The following PTPRT variants were observed in gnomAD, a reference collection of about 807,000 sequenced individuals.
The protein encoded by PTPRT is protein tyrosine phosphatase receptor type T.
PTPRT carries 56 observed loss-of-function variants against 176.8 expected under a neutral mutation model. That is an observed-to-expected ratio of 0.32 (90% CI 0.26 to 0.40). The LOEUF (loss-of-function observed/expected upper bound fraction) is 0.40. Among genes scored for constraint, PTPRT ranks in the 10% least tolerant of loss-of-function variants. PTPRT has a pLI of 1.00. For missense variants in PTPRT, 1,540 were observed against 1,908.2 expected (o/e 0.81, Z 3.60); for synonymous variants, 783 against 739.0 (o/e 1.06, Z -0.96).
chr20:42,834,274 G>C (rs1048455219), intron 2 of PTPRT, among the ~76,000 whole-genome samples: 1 of 152,060 alleles, frequency 6.6e-6, no homozygotes, highest in Non-Finnish European at 1.5e-5. Context: ...TACTCATTAG[G>C]GGAATCCAAA....
At chr20:42,095,829 A>G (rs1985152393) in intron 27 of PTPRT, among the ~76,000 whole-genome samples, 1 of 152,180 alleles carries the variant, frequency 6.6e-6, no homozygotes, top group Non-Finnish European at 1.5e-5. Context: ...CAAATAGCAG[A>G]TGCCCAACAA....
intron 16 of PTPRT, among the ~76,000 whole-genome samples, chr20:42,184,247 T>G (rs1990636218): frequency 1.3e-5 from 2 of 152,196 alleles, no homozygotes; most frequent in Admixed American, 1.3e-4. Context: ...ATGGTTGTTG[T>G]TTTACACTGT....
intron 1 of PTPRT, among the ~76,000 whole-genome samples, chr20:42,985,316 G>A (rs921722874): frequency 2.6e-5 from 4 of 152,060 alleles, no homozygotes; most frequent in Non-Finnish European, 4.4e-5. Flanking sequence ...CCAACATGGT[G>A]AAACCCCGTC....
the PTPRT span, among the ~76,000 whole-genome samples, chr20:42,042,981 C>T: frequency 6.6e-6 from 1 of 152,214 alleles, no homozygotes; most frequent in African/African-American, 2.4e-5. Flanking sequence ...CAAACATCAC[C>T]GCTTTTTAGA....
chr20:42,844,652 G>C (rs150378388), intron 2 of PTPRT, among the ~76,000 whole-genome samples: 1 of 152,300 alleles, frequency 6.6e-6, no homozygotes, highest in East Asian at 1.9e-4. Context: ...AATGGGCTAA[G>C]TGGGGCTCTC....
At chr20:42,535,803 C>T (rs866987155) in intron 7 of PTPRT, among the ~76,000 whole-genome samples, 20 of 152,036 alleles carry the variant, frequency 1.3e-4, no homozygotes, top group African/African-American at 2.4e-4. Flanking sequence ...AAGTTTGAAG[C>T]GGGCTTGGTT....
At chr20:42,155,420 G>T (rs1291306696) in intron 17 of PTPRT, among the ~76,000 whole-genome samples, 1 of 152,186 alleles carries the variant, frequency 6.6e-6, no homozygotes, top group Non-Finnish European at 1.5e-5. Flanking sequence ...GACCATCAGT[G>T]GGAGGGAGGC....
chr20:42,927,332 C>T (rs749774219), intron 1 of PTPRT, among the ~76,000 whole-genome samples: 32 of 152,222 alleles, frequency 2.1e-4, no homozygotes, highest in African/African-American at 5.8e-4. Flanking sequence ...GAGGCTGAGG[C>T]GGGTGGATCA....
At position 42,320,471 on chromosome 20, in the gene PTPRT, G is replaced by C. The variant is rs563779051; in HGVS notation, c.1866-4475C>G. The stretch of plus-strand genomic sequence containing the variant: ...TTCAGAAAGTTGAAGTCAGGTGACA[G>C]ATGGAGTGTATGCTTTAGCTCACAG... On this transcript the variant is annotated intron_variant, in intron 11 of 30. Transcript: ENST00000373187. Among the ~76,000 whole-genome samples, 11 of 152,312 alleles carry C rather than the reference G, an allele frequency of 7.2e-5. No homozygotes were observed. The South Asian group carries it at 2.3e-3, about 32-fold the overall frequency.
chr20:42,320,949 A>C (rs1236006730), intron 11 of PTPRT, among the ~76,000 whole-genome samples: 1 of 152,172 alleles, frequency 6.6e-6, no homozygotes, highest in African/African-American at 2.4e-5. Flanking sequence ...ACATCAAAGC[A>C]CATGGAAGCT....
intron 1 of PTPRT, among the ~76,000 whole-genome samples, chr20:43,094,091 C>CT (rs11478226): frequency 0.016 from 2,116 of 130,686 alleles, 55 homozygotes; most frequent in African/African-American, 0.047. Flanking sequence ...TTCTTTCTTT[C>CT]TTTTTTTTTT....
intron 5 of PTPRT, among the ~76,000 whole-genome samples, chr20:42,763,198 C>T (rs1461307249): frequency 6.6e-6 from 1 of 152,180 alleles, no homozygotes; most frequent in Non-Finnish European, 1.5e-5. Flanking sequence ...AATTCCCCAT[C>T]CACTCTCCTT....
At chr20:42,298,397 A>G (rs945555490) in intron 12 of PTPRT, among the ~76,000 whole-genome samples, 3 of 152,196 alleles carry the variant, frequency 2.0e-5, no homozygotes, top group Admixed American at 6.5e-5. Context: ...GACAAATGCA[A>G]GTTGGTTTTA....
Position 42,975,669 on chromosome 20 carries a change from C to T in PTPRT, c.89-89737G>A, listed in dbSNP as rs561577101. On this transcript the variant is annotated intron_variant, in intron 1 of 30. Transcript: ENST00000373187. The stretch of plus-strand genomic sequence containing the variant: ...CTACGCCTATACCCACTACCAATTT[C>T]CAAGCGGGGGCAGCTAAGGTTCCAG... Among the ~76,000 whole-genome samples, 145 of 152,242 alleles carry T rather than the reference C, an allele frequency of 9.5e-4. 1 individual carries two copies. The highest frequency in any genetic ancestry group is 3.4e-3 in the Middle Eastern group (1 of 294).
the PTPRT span, among the ~76,000 whole-genome samples, chr20:42,042,131 T>C: frequency 1.3e-5 from 2 of 152,190 alleles, no homozygotes; most frequent in African/African-American, 4.8e-5. Flanking sequence ...CCAGCAGTTC[T>C]TCAGAGATCA....
At chr20:42,389,045 A>G (rs2058773099) in intron 9 of PTPRT, among the ~76,000 whole-genome samples, 1 of 148,064 alleles carries the variant, frequency 6.8e-6, no homozygotes, top group South Asian at 2.2e-4. Flanking sequence ...CAAACACTGC[A>G]TGTTCTCACT....
At chr20:42,372,104 A>T (rs1019910149) in intron 9 of PTPRT, among the ~76,000 whole-genome samples, 2 of 152,140 alleles carry the variant, frequency 1.3e-5, no homozygotes, top group Non-Finnish European at 2.9e-5. Flanking sequence ...AATATCCAAG[A>T]TGTAATAAAA....
rs181416273 is a variant in PTPRT at position 42,629,435 on chromosome 20, T to C, written c.1153+48431A>G. Among the ~76,000 whole-genome samples, 11 of 152,304 alleles carry C rather than the reference T, an allele frequency of 7.2e-5. No individual in the cohort carries two copies. The East Asian group carries it at 1.7e-3, about 24-fold the overall frequency. On this transcript the variant is annotated intron_variant, in intron 7 of 30. Transcript: ENST00000373187. ...AACTAGGTGAGTGCTATTGAGCACCTGTGAGCCAGAAGAAAACAGGAGAAA... is the reference window on the plus strand; with the variant it reads ...AACTAGGTGAGTGCTATTGAGCACCCGTGAGCCAGAAGAAAACAGGAGAAA...
chr20:42,315,909 G>C lies in PTPRT; in HGVS notation c.1953C>G (p.Ser651Arg). 6.2e-7 allele frequency: 1 copy of C among 1,614,056 alleles called. No homozygotes were observed. Among genetic ancestry groups the C allele is most frequent in the Non-Finnish European group, 8.5e-7 (1 of 1,180,016 alleles). ...DIIECFSVPV[S>R]YRNASSLDSL... is the part of the protein sequence containing the mutation. ...AATCGAGGCTGGAGGCATTCCGATA[G>C]CTCACGGGCACCGAAAAGCACTCAA... The change falls in exon 12 of 31, where the codon AGC becomes AGG. Residue 651 changes from serine (S) to arginine (R), a missense_variant. Ser to Arg is a moderately radical substitution (Grantham distance 110). This residue lies in a region of PTPRT where 81 missense variants were observed against 89.9 expected (regional missense o/e 0.90). Transcript: ENST00000373187.
Sources: gnomAD v4.1 joint callset for allele counts (sites outside exome capture counted in the v4.1 genomes callset) on GRCh38, gnomAD v4.1.1 for gene constraint, gnomAD v4.1.1 regional missense constraint, MANE v1.5 for transcripts, NCBI Gene and HGNC (gene_info 2026-07-23, HGNC 2026-07-21) for gene names.